The following CPLX1 variants were observed in gnomAD, a reference collection of about 807,000 sequenced individuals.
The protein encoded by CPLX1 is complexin-1.
A neutral mutation model predicts 15.6 loss-of-function variants in CPLX1; 6 were observed. The ratio of observed to expected loss-of-function variants is 0.39; its 90% CI spans 0.21 to 0.76. The LOEUF is 0.76. Among genes scored for constraint, CPLX1 ranks in the 30% least tolerant of loss-of-function variants. The pLI is 0.43. For synonymous variants in CPLX1, 91 were observed against 75.2 expected (o/e 1.21, Z -1.08); for missense variants, 242 against 188.6 (o/e 1.28, Z -1.66).
At chr4:823,838 C>A (rs1746919839) in intron 2 of CPLX1, among the ~76,000 whole-genome samples, 1 of 152,262 alleles carries the variant, frequency 6.6e-6, no homozygotes, top group South Asian at 2.1e-4. Context: ...TAGCAGACAG[C>A]AGGTTGGAAG....
chr4:800,762 CAT>C (rs1298751594), intron 2 of CPLX1, among the ~76,000 whole-genome samples: 1 of 146,332 alleles, frequency 6.8e-6, no homozygotes, highest in African/African-American at 2.5e-5. Flanking sequence ...TATACACACA[CAT>C]ATACACACAC....
At chr4:793,296 T>G (rs1055846052) in intron 2 of CPLX1, among the ~76,000 whole-genome samples, 2 of 151,508 alleles carry the variant, frequency 1.3e-5, no homozygotes, top group Non-Finnish European at 2.9e-5. Context: ...GGGGCCCTGC[T>G]GGGGCAGGAG....
In CPLX1 at chr4:787,429, G is replaced by A. The variant is rs1277788271; in HGVS notation, c.208-731C>T. The stretch of plus-strand genomic sequence containing the variant: ...AATTCATATTGCCTGGAGCTTCAAA[G>A]GTGATCTCATTCGGAAACAGGTCTT... On this transcript the variant is annotated intron_variant, in intron 3 of 3. Coordinates refer to ENST00000304062, the MANE Select transcript of CPLX1 (RefSeq NM_006651.4). 117 of 961,768 alleles carry A rather than the reference G, an allele frequency of 1.2e-4. 1 individual carries two copies. Among genetic ancestry groups the A allele is most frequent in the Non-Finnish European group, 1.4e-4 (114 of 808,698 alleles). 59.6% of individuals were successfully genotyped at this position (961,768 alleles called of 1,614,324 possible). A position where few individuals can be genotyped will look rare whatever the true frequency, so the allele number is the denominator to read the frequency against.
chr4:803,552 G>GCCACC (rs1560242178), intron 2 of CPLX1, among the ~76,000 whole-genome samples: 3 of 150,430 alleles, frequency 2.0e-5, no homozygotes, highest in African/African-American at 7.5e-5. Context: ...CACCGCGCCC[G>GCCACC]GCTAATTTTT....
intron 2 of CPLX1, among the ~76,000 whole-genome samples, chr4:794,182 AG>A (rs1746267065): frequency 6.6e-6 from 1 of 152,232 alleles, no homozygotes; most frequent in South Asian, 2.1e-4. Flanking sequence ...GGAGGAGAAT[AG>A]CTTTTTGGTT....
In CPLX1 at chr4:786,477, G is replaced by C; in HGVS notation, c.*24C>G. ...CTGTAGGGGGAGGGGCGGGGGCTCC[G>C]CGGGGCCGCTGTCCCGCGCGCGGCT... On this transcript the variant is annotated 3_prime_UTR_variant, in exon 4 of 4. Coordinates refer to ENST00000304062, the MANE Select transcript of CPLX1 (RefSeq NM_006651.4). The C allele has an allele frequency of 6.5e-7, 1 of 1,529,774 alleles. No homozygotes were observed. 94.8% of individuals were successfully genotyped at this position (1,529,774 alleles called of 1,614,324 possible). A position where few individuals can be genotyped will look rare whatever the true frequency, so the allele number is the denominator to read the frequency against.
intron 2 of CPLX1, among the ~76,000 whole-genome samples, chr4:822,108 CCT>C (rs760598094): frequency 1.3e-5 from 2 of 151,544 alleles, no homozygotes; most frequent in Admixed American, 6.6e-5. Context: ...TCTGTCTCTC[CCT>C]CTGTCTCTGT....
At chr4:814,693 T>C (rs1490224662) in intron 2 of CPLX1, among the ~76,000 whole-genome samples, 1 of 152,240 alleles carries the variant, frequency 6.6e-6, no homozygotes, top group Non-Finnish European at 1.5e-5. Flanking sequence ...AGGCCAGGTT[T>C]TCCCCAGGAG....
At chr4:792,383 C>T (rs759104063) in intron 3 of CPLX1, 50 bp downstream of exon 3, 4 of 1,462,658 alleles carry the variant, frequency 2.7e-6, no homozygotes, top group East Asian at 2.6e-5. Flanking sequence ...TCTGGGTCCC[C>T]GCTGGACTCA....
intron 3 of CPLX1, among the ~76,000 whole-genome samples, 166 bp downstream of exon 3, chr4:792,267 G>A (rs959508106): frequency 6.6e-6 from 1 of 152,120 alleles, no homozygotes; most frequent in Non-Finnish European, 1.5e-5. Context: ...AGCCCAACCC[G>A]GAGCCCCCAC....
At chr4:802,130 C>G (rs930222898) in intron 2 of CPLX1, among the ~76,000 whole-genome samples, 2 of 152,182 alleles carry the variant, frequency 1.3e-5, no homozygotes. Context: ...TCATTTGTAA[C>G]AGCCAAAACC....
chr4:791,045 T>C (rs75261937), intron 3 of CPLX1, among the ~76,000 whole-genome samples: 8,879 of 152,118 alleles, frequency 0.058, 453 homozygotes, highest in South Asian at 0.18. Context: ...TCCCCCTTCC[T>C]TCTCCTCCTG....
At chr4:814,940 C>T (rs984681022) in intron 2 of CPLX1, among the ~76,000 whole-genome samples, 1 of 152,242 alleles carries the variant, frequency 6.6e-6, no homozygotes, top group African/African-American at 2.4e-5. Context: ...GCAAGACTGC[C>T]AGCTCTCACA....
intron 2 of CPLX1, among the ~76,000 whole-genome samples, chr4:808,045 C>G (rs1037993156): frequency 2.6e-5 from 4 of 152,084 alleles, no homozygotes; most frequent in African/African-American, 4.8e-5. Flanking sequence ...GTGGCTGGAT[C>G]GCTTGAGCCC....
chr4:824,345 T>G (rs914694713), intron 2 of CPLX1, 147 bp downstream of exon 2: 5 of 735,720 alleles, frequency 6.8e-6, no homozygotes, highest in Non-Finnish European at 1.2e-5. Context: ...CGGTCCTTGC[T>G]CCTCTGCCCC....
At chr4:813,915 A>G (rs1469553224) in intron 2 of CPLX1, among the ~76,000 whole-genome samples, 1 of 152,248 alleles carries the variant, frequency 6.6e-6, no homozygotes, top group African/African-American at 2.4e-5. Context: ...TGAAACATAA[A>G]TGTGCATCCA....
At chr4:798,846 C>G (rs1034720522) in intron 2 of CPLX1, among the ~76,000 whole-genome samples, 1 of 152,204 alleles carries the variant, frequency 6.6e-6, no homozygotes, top group Admixed American at 6.5e-5. Context: ...AATTATACAA[C>G]TTCTAGAAGA....
At chr4:822,825 G>A (rs1048275263) in intron 2 of CPLX1, among the ~76,000 whole-genome samples, 1 of 151,722 alleles carries the variant, frequency 6.6e-6, no homozygotes, top group African/African-American at 2.4e-5. Context: ...GGTCTCGACT[G>A]GAAGCCCCCC....
At chr4:814,395 TG>T (rs1476980178) in intron 2 of CPLX1, among the ~76,000 whole-genome samples, 1 of 152,180 alleles carries the variant, frequency 6.6e-6, no homozygotes, top group African/African-American at 2.4e-5. Flanking sequence ...GTATTTTTAG[TG>T]GAGACCGGGT....
Sources: gnomAD v4.1 joint callset for allele counts (sites outside exome capture counted in the v4.1 genomes callset) on GRCh38, gnomAD v4.1.1 for gene constraint, MANE v1.5 for transcripts, NCBI Gene and HGNC (gene_info 2026-07-23, HGNC 2026-07-21) for gene names.